Variants in ASB5 observed in about 807,000 individuals in gnomAD.
ASB5 encodes the protein ankyrin repeat and SOCS box protein 5.
Under a neutral mutation model 42.1 loss-of-function variants are expected in ASB5, and 45 were observed. That is an observed-to-expected ratio of 1.07 (90% CI 0.84 to 1.37). The LOEUF (loss-of-function observed/expected upper bound fraction) is 1.37, where lower values mean the gene tolerates loss of function less well. Among genes scored for constraint, ASB5 ranks in the 40% most tolerant of loss-of-function variants. The pLI is 0.00. For synonymous variants in ASB5, 147 were observed against 150.6 expected (o/e 0.98, Z 0.18); for missense variants, 402 against 399.8 (o/e 1.01, Z -0.05).
chr4:176,222,691 T>C (rs985183434), intron 2 of ASB5, among the ~76,000 whole-genome samples: 2 of 152,200 alleles, frequency 1.3e-5, no homozygotes, highest in Non-Finnish European at 2.9e-5. Context: ...CTTTAAATGT[T>C]GCTTTCTTAA....
intron 1 of ASB5, chr4:176,249,534 G>T (rs1753981570): frequency 6.6e-6 from 1 of 151,950 alleles, no homozygotes; most frequent in East Asian, 1.9e-4. Flanking sequence ...TCCCTGATTG[G>T]GAGAGCAGAT....
chr4:176,267,416 G>A (rs1754378258), intron 1 of ASB5, among the ~76,000 whole-genome samples: 1 of 152,112 alleles, frequency 6.6e-6, no homozygotes, highest in African/African-American at 2.4e-5. Context: ...CTTGAGCCCA[G>A]GAGTTTGAGA....
At chr4:176,221,348 C>T (rs1030113478) in intron 4 of ASB5, 59 bp from the exon 5 acceptor site, 15 of 1,601,518 alleles carry the variant, frequency 9.4e-6, no homozygotes, top group Non-Finnish European at 1.3e-5. Context: ...ACACCTCACC[C>T]CAGGCTTCCC....
At chr4:176,257,215 C>T (rs2126973841) in intron 1 of ASB5, among the ~76,000 whole-genome samples, 1 of 152,250 alleles carries the variant, frequency 6.6e-6, no homozygotes, top group East Asian at 1.9e-4. Flanking sequence ...TAATGGAGAG[C>T]CAAGAATTTG....
intron 1 of ASB5, among the ~76,000 whole-genome samples, chr4:176,247,786 A>T (rs1753940786): frequency 1.3e-5 from 2 of 152,218 alleles, no homozygotes; most frequent in Admixed American, 1.3e-4. Context: ...AGTGGAAAGG[A>T]TTTGTAAATT....
At position 176,221,026 on chromosome 4, in the gene ASB5, A is replaced by T. The variant is rs370226886; in HGVS notation, c.670+129T>A. ...GTTCTTTTTTATTGGTTCTCTATTC[A>T]TGTGTGAAAATGCTTAAAATAAGAA... is the stretch of plus-strand genomic sequence containing the variant. On this transcript the variant is annotated intron_variant, in intron 5 of 6. Transcript: ENST00000296525. 28 of 1,170,304 alleles carry T rather than the reference A, an allele frequency of 2.4e-5. No individual in the cohort carries two copies. In the South Asian group the frequency reaches 2.5e-4, roughly 10 times the overall value. The allele number at this position is 1,170,304 out of a possible 1,614,324, so 72.5% of individuals were successfully genotyped here. A position where few individuals can be genotyped will look rare whatever the true frequency, so the allele number is the denominator to read the frequency against.
intron 1 of ASB5, among the ~76,000 whole-genome samples, chr4:176,262,669 A>T (rs755348525): frequency 6.6e-6 from 1 of 152,190 alleles, no homozygotes; most frequent in Non-Finnish European, 1.5e-5. Context: ...AACTGTGTAC[A>T]CTGTTGGGAA....
chr4:176,241,449 G>T, intron 1 of ASB5: 1 of 1,526,352 alleles, frequency 6.6e-7, no homozygotes, highest in Non-Finnish European at 8.8e-7. Flanking sequence ...GAAATCCTAA[G>T]GTTTTCTTTT....
intron 1 of ASB5, among the ~76,000 whole-genome samples, chr4:176,233,206 CAGAA>C (rs1440733520): frequency 3.3e-5 from 5 of 152,198 alleles, no homozygotes; most frequent in Non-Finnish European, 7.3e-5. Flanking sequence ...ATCTTCTAAA[CAGAA>C]GGAAGGATAA....
chr4:176,244,667 T>C (rs2126965528), intron 1 of ASB5, among the ~76,000 whole-genome samples: 1 of 152,220 alleles, frequency 6.6e-6, no homozygotes, highest in South Asian at 2.1e-4. Context: ...CCTAACACTT[T>C]TGAAGACCGA....
chr4:176,262,754 G>C (rs983323728), intron 1 of ASB5, among the ~76,000 whole-genome samples: 1 of 152,092 alleles, frequency 6.6e-6, no homozygotes, highest in South Asian at 2.1e-4. Context: ...ACATAAATAA[G>C]TGTTGGGCAA....
At chr4:176,247,406 A>G (rs1266056436) in intron 1 of ASB5, among the ~76,000 whole-genome samples, 1 of 152,254 alleles carries the variant, frequency 6.6e-6, no homozygotes, top group Non-Finnish European at 1.5e-5. Flanking sequence ...AAATAGAAGA[A>G]TGTGGGAGAT....
Position 176,213,963 on chromosome 4 carries a change from A to T in ASB5, c.*1637T>A, listed in dbSNP as rs1752900891. On this transcript the variant is annotated 3_prime_UTR_variant, in exon 7 of 7. Transcript: ENST00000296525. ...CCAAAAGCAGCTTTAATATCTGTTT[A>T]ACCAGGTTATTCTATAATAAGAACT... The T allele has an allele frequency of 6.6e-6, 1 of 152,136 alleles. No individual in the cohort carries two copies. Among genetic ancestry groups the T allele is most frequent in the Admixed American group, 6.6e-5 (1 of 15,254 alleles). 9.4% of individuals were successfully genotyped at this position (152,136 alleles called of 1,614,324 possible). A position where few individuals can be genotyped will look rare whatever the true frequency, so the allele number is the denominator to read the frequency against.
At chr4:176,215,856 C>T in intron 6 of ASB5, 129 bp from the exon 7 acceptor site, 1 of 756,466 alleles carries the variant, frequency 1.3e-6, no homozygotes, top group Non-Finnish European at 2.0e-6. Context: ...GACCACTATA[C>T]TAGGGAAATT....
chr4:176,255,914 A>G (rs976976021), intron 1 of ASB5, among the ~76,000 whole-genome samples: 1 of 152,232 alleles, frequency 6.6e-6, no homozygotes, highest in Non-Finnish European at 1.5e-5. Context: ...CAATACTCCT[A>G]TTCTGGTATT....
intron 1 of ASB5, among the ~76,000 whole-genome samples, chr4:176,260,219 G>T (rs1754231540): frequency 6.6e-6 from 1 of 152,116 alleles, no homozygotes; most frequent in South Asian, 2.1e-4. Context: ...AGGGGGAAGG[G>T]GACCCATGGG....
At position 176,251,328 on chromosome 4, in the gene ASB5, C is replaced by A. The variant is rs370848952; in HGVS notation, c.196+17585G>T. Among the ~76,000 whole-genome samples, 2 of 18,226 alleles carry A rather than the reference C, an allele frequency of 1.1e-4. 1 individual carries two copies. Among genetic ancestry groups the A allele is most frequent in the African/African-American group, 3.0e-4 (2 of 6,748 alleles). 12.0% of individuals were successfully genotyped at this position (18,226 alleles called of 152,430 possible). A position where few individuals can be genotyped will look rare whatever the true frequency, so the allele number is the denominator to read the frequency against. The stretch of plus-strand genomic sequence containing the variant: ...CTGTAATCCCAGCACTTTGGGAGGC[C>A]GAGGCGGGCGGATCACGAGGTCAGG... On this transcript the variant is annotated intron_variant, in intron 1 of 6. Coordinates refer to ENST00000296525, the MANE Select transcript of ASB5 (RefSeq NM_080874.4).
At chr4:176,243,063 T>C (rs908254838) in intron 1 of ASB5, among the ~76,000 whole-genome samples, 1 of 152,200 alleles carries the variant, frequency 6.6e-6, no homozygotes, top group Non-Finnish European at 1.5e-5. Context: ...GTTGAAACTG[T>C]ACGCAACTAG....
chr4:176,256,526 T>C (rs1754160630), intron 1 of ASB5, among the ~76,000 whole-genome samples: 1 of 152,210 alleles, frequency 6.6e-6, no homozygotes, highest in Non-Finnish European at 1.5e-5. Flanking sequence ...TTGAGGTCTT[T>C]CAATGATTCT....
Sources: gnomAD v4.1 joint callset for allele counts (sites outside exome capture counted in the v4.1 genomes callset) on GRCh38, gnomAD v4.1.1 for gene constraint, MANE v1.5 for transcripts, NCBI Gene and HGNC (gene_info 2026-07-23, HGNC 2026-07-21) for gene names.